The following TMEM132D variants were observed in gnomAD, a reference collection of about 807,000 sequenced individuals.
TMEM132D encodes the protein mature OL transmembrane protein.
In TMEM132D, 21 loss-of-function variants were observed where a neutral mutation model predicts 62.3. That is an observed-to-expected ratio of 0.34 (90% CI 0.24 to 0.49). The LOEUF is 0.49. Among genes scored for constraint, TMEM132D ranks in the 20% least tolerant of loss-of-function variants. The probability of loss-of-function intolerance (pLI) is 0.99; values close to 1 mark genes in which losing one functional copy is unlikely to be tolerated. For synonymous variants in TMEM132D, 621 were observed against 575.6 expected (o/e 1.08, Z -1.13); for missense variants, 1,346 against 1,402.8 (o/e 0.96, Z 0.65).
At chr12:129,575,019 ACT>A (rs1267409676) in intron 2 of TMEM132D, among the ~76,000 whole-genome samples, 1 of 151,474 alleles carries the variant, frequency 6.6e-6, no homozygotes, top group Non-Finnish European at 1.5e-5. Context: ...AAGGCAGCTC[ACT>A]CTCTCATCGG....
chr12:129,664,605 T>G (rs935683403), intron 2 of TMEM132D, among the ~76,000 whole-genome samples: 1 of 151,886 alleles, frequency 6.6e-6, no homozygotes, highest in Non-Finnish European at 1.5e-5. Context: ...TTTTGTATTT[T>G]TAGTAGAGAC....
At chr12:129,436,187 T>A (rs991175538) in intron 3 of TMEM132D, among the ~76,000 whole-genome samples, 1 of 152,172 alleles carries the variant, frequency 6.6e-6, no homozygotes, top group Non-Finnish European at 1.5e-5. Context: ...GAATCTGGTA[T>A]CCTGATGATT....
chr12:129,832,013 G>T (rs886984553), intron 1 of TMEM132D, among the ~76,000 whole-genome samples: 1 of 142,530 alleles, frequency 7.0e-6, no homozygotes, highest in Admixed American at 7.5e-5. Context: ...GGGACGACAG[G>T]CACCTGCCAC....
intron 1 of TMEM132D, among the ~76,000 whole-genome samples, chr12:129,809,516 G>A (rs1040570865): frequency 1.3e-5 from 2 of 151,908 alleles, no homozygotes; most frequent in East Asian, 1.9e-4. Flanking sequence ...ACCTCCTGCC[G>A]CTTCCTGCAT....
At chr12:129,392,039 G>C (rs112361037) in intron 3 of TMEM132D, among the ~76,000 whole-genome samples, 6 of 151,852 alleles carry the variant, frequency 4.0e-5, no homozygotes, top group South Asian at 4.2e-4. Context: ...TTACAGGCGT[G>C]AGCCACCATG....
chr12:129,527,180 A>C (rs1346646114), intron 3 of TMEM132D, among the ~76,000 whole-genome samples: 1 of 152,100 alleles, frequency 6.6e-6, no homozygotes, highest in Non-Finnish European at 1.5e-5. Context: ...GTGGTGGTGC[A>C]CGCCTGTAAT....
intron 1 of TMEM132D, among the ~76,000 whole-genome samples, chr12:129,787,263 A>G (rs61943438): frequency 0.06 from 9,071 of 152,262 alleles, 322 homozygotes; most frequent in East Asian, 0.1. Context: ...TCAGGAGGAA[A>G]GAGAGACTAA....
intron 1 of TMEM132D, among the ~76,000 whole-genome samples, chr12:129,751,302 C>T (rs148853298): frequency 2.1e-4 from 32 of 152,184 alleles, no homozygotes; most frequent in Non-Finnish European, 3.4e-4. Flanking sequence ...AGAGAGCGAG[C>T]GAGTGGGCAC....
chr12:129,259,365 C>A (rs919780820), intron 4 of TMEM132D, among the ~76,000 whole-genome samples: 2 of 152,132 alleles, frequency 1.3e-5, no homozygotes, highest in African/African-American at 4.8e-5. Flanking sequence ...CCTGGGAGAA[C>A]TTGTTCCAGG....
intron 1 of TMEM132D, among the ~76,000 whole-genome samples, chr12:129,728,700 A>C (rs1462647201): frequency 1.3e-5 from 2 of 152,212 alleles, no homozygotes; most frequent in African/African-American, 4.8e-5. Context: ...CTAATGATTA[A>C]ACCCCAGGGT....
At chr12:129,570,449 A>G (rs1877480914) in intron 2 of TMEM132D, among the ~76,000 whole-genome samples, 1 of 152,252 alleles carries the variant, frequency 6.6e-6, no homozygotes, top group Non-Finnish European at 1.5e-5. Flanking sequence ...TCACTGGGAA[A>G]GATGAGGAGT....
At chr12:129,530,535 T>C (rs1402372538) in intron 3 of TMEM132D, among the ~76,000 whole-genome samples, 2 of 152,216 alleles carry the variant, frequency 1.3e-5, no homozygotes, top group Non-Finnish European at 2.9e-5. Context: ...TTTTAATTTC[T>C]CCCTAGAGTG....
intron 3 of TMEM132D, among the ~76,000 whole-genome samples, chr12:129,378,114 A>T (rs978176164): frequency 1.3e-5 from 2 of 152,200 alleles, no homozygotes; most frequent in Admixed American, 1.3e-4. Context: ...TTTCTCTTTT[A>T]AGGCCATATT....
At chr12:129,323,736 A>G (rs1482028827) in intron 4 of TMEM132D, among the ~76,000 whole-genome samples, 1 of 152,204 alleles carries the variant, frequency 6.6e-6, no homozygotes, top group East Asian at 1.9e-4. Context: ...CTGGACAGGT[A>G]TGCTGGCTTC....
intron 1 of TMEM132D, among the ~76,000 whole-genome samples, chr12:129,850,685 G>C (rs1001208129): frequency 6.6e-6 from 1 of 152,192 alleles, no homozygotes; most frequent in African/African-American, 2.4e-5. Context: ...ATAAAGATCA[G>C]TAATTGGCAT....
At chr12:129,323,810 C>T (rs1277763864) in intron 4 of TMEM132D, among the ~76,000 whole-genome samples, 2 of 152,130 alleles carry the variant, frequency 1.3e-5, no homozygotes, top group African/African-American at 4.8e-5. Flanking sequence ...CCTGTCTAGC[C>T]ACGTGTGTTT....
chr12:129,431,827 T>C (rs1872662422), intron 3 of TMEM132D, among the ~76,000 whole-genome samples: 1 of 152,202 alleles, frequency 6.6e-6, no homozygotes, highest in Admixed American at 6.5e-5. Context: ...CCTCATGCCC[T>C]GTTGCTCTTC....
chr12:129,162,559 G>A (rs896943683), intron 5 of TMEM132D, among the ~76,000 whole-genome samples: 6 of 152,122 alleles, frequency 3.9e-5, no homozygotes, highest in African/African-American at 1.4e-4. Flanking sequence ...TGTTGGAGTT[G>A]GGGCCTGGTG....
intron 3 of TMEM132D, among the ~76,000 whole-genome samples, chr12:129,464,732 C>A (rs1318800165): frequency 2.0e-5 from 3 of 152,088 alleles, no homozygotes; most frequent in African/African-American, 7.2e-5. Context: ...ATAGGGAATC[C>A]TTTCCTCATT....
Sources: allele counts gnomAD v4.1 joint callset (sites outside exome capture counted in the v4.1 genomes callset), GRCh38; gene constraint gnomAD v4.1.1; transcripts MANE v1.5; gene names NCBI Gene and HGNC (gene_info 2026-07-23, HGNC 2026-07-21).